EPHA5: variants seen among roughly 807,000 people sequenced by gnomAD.
The protein encoded by EPHA5 is EPH receptor A5.
A neutral mutation model predicts 105.0 loss-of-function variants in EPHA5; 60 were observed. That is an observed-to-expected ratio of 0.57 (90% confidence interval 0.46 to 0.71). The LOEUF (loss-of-function observed/expected upper bound fraction) is 0.71, where lower values mean the gene tolerates loss of function less well. EPHA5 is among the 30% of genes least tolerant of loss of function. The pLI, the probability that EPHA5 is intolerant of heterozygous loss-of-function variation, is 0.00. For synonymous variants in EPHA5, 513 were observed against 449.1 expected, an observed-to-expected ratio of 1.14 and a Z score of -1.80; for missense variants, 1,218 against 1,274.7, an observed-to-expected ratio of 0.96 and a Z score of 0.68.
At chr4:65,471,037 C>G (rs1729233517) in intron 5 of EPHA5, among the ~76,000 whole-genome samples, 1 of 152,188 alleles carries the variant, frequency 6.6e-6, no homozygotes, top group Non-Finnish European at 1.5e-5. Context: ...TACCTCATGT[C>G]CAATATCTAT....
At chr4:65,585,708 T>C (rs968963091) in intron 3 of EPHA5, among the ~76,000 whole-genome samples, 2 of 151,798 alleles carry the variant, frequency 1.3e-5, no homozygotes, top group African/African-American at 2.4e-5. Context: ...TATCTCTCCT[T>C]TATATAGAGA....
intron 3 of EPHA5, among the ~76,000 whole-genome samples, chr4:65,506,465 A>T (rs1360008474): frequency 6.9e-6 from 1 of 145,374 alleles, no homozygotes; most frequent in African/African-American, 2.5e-5. Flanking sequence ...CAGTCCCACC[A>T]ACAGTGTAAA....
At chr4:65,543,654 A>C (rs1361626232) in intron 3 of EPHA5, among the ~76,000 whole-genome samples, 1 of 152,062 alleles carries the variant, frequency 6.6e-6, no homozygotes. Flanking sequence ...TGCCCAAAGT[A>C]ATTTATAGAT....
At chr4:65,483,455 G>A (rs1730582961) in intron 5 of EPHA5, among the ~76,000 whole-genome samples, 1 of 151,962 alleles carries the variant, frequency 6.6e-6, no homozygotes, top group East Asian at 1.9e-4. Flanking sequence ...CACAATGGTT[G>A]AACTAGTTTA....
intron 3 of EPHA5, among the ~76,000 whole-genome samples, chr4:65,549,019 C>G (rs1737645341): frequency 6.6e-6 from 1 of 152,160 alleles, no homozygotes; most frequent in Admixed American, 6.6e-5. Context: ...AGCAAGCTAA[C>G]TGTATTAGAT....
chr4:65,651,044 A>G (rs1168050793), intron 1 of EPHA5, among the ~76,000 whole-genome samples: 2 of 152,138 alleles, frequency 1.3e-5, no homozygotes, highest in South Asian at 2.1e-4. Flanking sequence ...CTCTCCAGTG[A>G]TCTGTGAAGG....
chr4:65,347,091 G>C (rs561886035), intron 14 of EPHA5, among the ~76,000 whole-genome samples: 1 of 152,184 alleles, frequency 6.6e-6, no homozygotes, highest in Non-Finnish European at 1.5e-5. Context: ...ACAAAATTCA[G>C]CTGGAGAGCT....
At chr4:65,591,683 C>T (rs1432580629) in intron 3 of EPHA5, among the ~76,000 whole-genome samples, 4 of 151,476 alleles carry the variant, frequency 2.6e-5, no homozygotes, top group African/African-American at 9.7e-5. Context: ...ACTTTTTTTC[C>T]CTAAGTCATG....
intron 3 of EPHA5, among the ~76,000 whole-genome samples, chr4:65,571,321 T>TTA (rs1740153912): frequency 7.1e-6 from 1 of 140,250 alleles, no homozygotes; most frequent in East Asian, 2.0e-4. Context: ...TGTTTACAAG[T>TTA]AAAAAAAAAA....
At chr4:65,623,970 A>G (rs1255564724) in intron 2 of EPHA5, among the ~76,000 whole-genome samples, 2 of 152,214 alleles carry the variant, frequency 1.3e-5, no homozygotes, top group Non-Finnish European at 2.9e-5. Flanking sequence ...CAAAATGACT[A>G]TATGCCAAGC....
chr4:65,356,851 A>G (rs894035419), intron 11 of EPHA5, among the ~76,000 whole-genome samples: 2 of 151,504 alleles, frequency 1.3e-5, no homozygotes, highest in African/African-American at 4.8e-5. Flanking sequence ...TGACATAGCA[A>G]TAATTAACAT....
chr4:65,328,614 T>A (rs564319964), intron 16 of EPHA5, among the ~76,000 whole-genome samples: 1 of 148,892 alleles, frequency 6.7e-6, no homozygotes, highest in African/African-American at 2.4e-5. Flanking sequence ...TTATTGCTTT[T>A]GTCAGAGTTT....
chr4:65,495,774 T>C (rs184398855), intron 3 of EPHA5, among the ~76,000 whole-genome samples: 1 of 152,320 alleles, frequency 6.6e-6, no homozygotes, highest in Non-Finnish European at 1.5e-5. Context: ...ATACTTGTAA[T>C]GATTTTTATG....
chr4:65,442,742 T>C (rs181141048), intron 5 of EPHA5, among the ~76,000 whole-genome samples: 1 of 152,324 alleles, frequency 6.6e-6, no homozygotes, highest in African/African-American at 2.4e-5. Flanking sequence ...ACCACAACCA[T>C]ATTTTTCCTT....
At chr4:65,439,244 G>T (rs10013782) in intron 5 of EPHA5, among the ~76,000 whole-genome samples, 1 of 151,858 alleles carries the variant, frequency 6.6e-6, no homozygotes, top group Admixed American at 6.6e-5. Context: ...GAATACATTC[G>T]TATATATAAA....
chr4:65,454,977 G>A (rs1727432338), intron 5 of EPHA5, among the ~76,000 whole-genome samples: 1 of 152,082 alleles, frequency 6.6e-6, no homozygotes, highest in Non-Finnish European at 1.5e-5. Context: ...TTGGCACGGT[G>A]GCTCACGCCT....
intron 5 of EPHA5, among the ~76,000 whole-genome samples, chr4:65,458,073 CAAAA>C (rs10565968): frequency 8.2e-3 from 594 of 72,622 alleles, no homozygotes; most frequent in South Asian, 0.014. Context: ...CACTCCATCC[CAAAA>C]AAAAAAAAAA....
Position 65,519,114 on chromosome 4 carries a change from A to G in EPHA5, c.911-23571T>C, listed in dbSNP as rs150468880. On this transcript the variant is annotated intron_variant, in intron 3 of 16. Transcript: ENST00000613740. ...CAGCAGCACATCAAAAAGCTTATCCACCATGATCAAGTGGGCTTCATCCCT... is the reference window on the plus strand; with the variant it reads ...CAGCAGCACATCAAAAAGCTTATCCGCCATGATCAAGTGGGCTTCATCCCT... Among the ~76,000 whole-genome samples the G allele has an allele frequency of 1.1e-3, 175 of 152,236 alleles. 2 individuals carry two copies. The East Asian group carries it at 0.029, about 25-fold the overall frequency.
intron 8 of EPHA5, among the ~76,000 whole-genome samples, chr4:65,384,664 T>A (rs568979662): frequency 6.6e-6 from 1 of 152,060 alleles, no homozygotes; most frequent in South Asian, 2.1e-4. Context: ...TGTAGTAAGC[T>A]GTGGAAAAAA....
Sources: gnomAD v4.1 joint callset for allele counts (sites outside exome capture counted in the v4.1 genomes callset) on GRCh38, gnomAD v4.1.1 for gene constraint, MANE v1.5 for transcripts, NCBI Gene and HGNC (gene_info 2026-07-23, HGNC 2026-07-21) for gene names.